The following BCAS3 variants were observed in gnomAD, a reference collection of about 807,000 sequenced individuals.
The protein encoded by BCAS3 is BCAS4/BCAS3 fusion.
Under a neutral mutation model 116.1 loss-of-function variants are expected in BCAS3, and 53 were observed. The ratio of observed to expected loss-of-function variants is 0.46; its 90% CI spans 0.37 to 0.57. BCAS3 has a LOEUF of 0.57. BCAS3 is among the 20% of genes least tolerant of loss of function. The pLI is 0.00. For synonymous variants in BCAS3, 391 were observed against 408.2 expected (o/e 0.96, Z 0.51); for missense variants, 917 against 1,165.4 (o/e 0.79, Z 3.10).
At chr17:61,291,044 C>T (rs951033950) in intron 22 of BCAS3, among the ~76,000 whole-genome samples, 6 of 151,984 alleles carry the variant, frequency 3.9e-5, no homozygotes, top group South Asian at 2.1e-4. Flanking sequence ...CCTCCCAAAG[C>T]GCTGGGATTA....
At chr17:60,727,810 C>CTT (rs756342642) in intron 5 of BCAS3, among the ~76,000 whole-genome samples, 36 of 139,734 alleles carry the variant, frequency 2.6e-4, no homozygotes, top group African/African-American at 8.4e-4. Flanking sequence ...TACTTTTTTC[C>CTT]TTTTTTTTTT....
In BCAS3 at chr17:61,249,995, CA is replaced by C. The variant is rs1312611895; in HGVS notation, c.2426-118329del. 6.6e-6 allele frequency among the ~76,000 whole-genome samples: 1 copy of C among 151,534 alleles called. No individual in the cohort carries two copies. Among genetic ancestry groups the C allele is most frequent in the East Asian group, 1.9e-4 (1 of 5,194 alleles). On this transcript the variant is annotated intron_variant, in intron 22 of 23. Transcript: ENST00000407086. This position sits in a 1 kb window ranked among gnomAD's most constrained non-coding sequence, Gnocchi z 6.2. ...TAAAGAGGATCAGAAAACAAGATAC[CA>C]AATAAGAGCAGCCATTGTAAAACTA...
intron 7 of BCAS3, among the ~76,000 whole-genome samples, chr17:60,867,318 C>A (rs1215220114): frequency 6.6e-6 from 1 of 151,926 alleles, no homozygotes; most frequent in Non-Finnish European, 1.5e-5. Context: ...GTTGGCCAGG[C>A]TGATCTGAAA....
At chr17:61,292,833 T>C (rs1332365479) in intron 22 of BCAS3, among the ~76,000 whole-genome samples, 2 of 152,166 alleles carry the variant, frequency 1.3e-5, no homozygotes, top group South Asian at 4.1e-4. Flanking sequence ...TAACGAAGTA[T>C]GTGAATTTCA....
rs552247107 is a variant in BCAS3 at position 60,962,369 on chromosome 17, G to A, written c.1221+15017G>A. On this transcript the variant is annotated intron_variant, in intron 14 of 23. Coordinates refer to ENST00000407086, the MANE Select transcript of BCAS3 (RefSeq NM_017679.5). The surrounding 1 kb of genome is among the most constrained non-coding windows in gnomAD (Gnocchi z 4.4). ...TTTATTGATTGTCCTTTTGATACAA[G>A]CCATTTTTACTAGGGTGAGATGATA... Among the ~76,000 whole-genome samples the A allele has an allele frequency of 5.3e-5, 8 of 152,196 alleles. No individual in the cohort carries two copies. Among genetic ancestry groups the A allele is most frequent in the African/African-American group, 9.6e-5 (4 of 41,538 alleles).
At chr17:60,949,224 T>C (rs1004556408) in intron 14 of BCAS3, among the ~76,000 whole-genome samples, 4 of 152,056 alleles carry the variant, frequency 2.6e-5, no homozygotes, top group Non-Finnish European at 4.4e-5. Context: ...TTTTAAAAAT[T>C]ATTTCTAAGG....
In BCAS3 at chr17:61,361,111, G is replaced by T. The variant is rs1273254702; in HGVS notation, c.2426-7216G>T. On this transcript the variant is annotated intron_variant, in intron 22 of 23. Transcript: ENST00000407086. This position sits in a 1 kb window ranked among gnomAD's most constrained non-coding sequence, Gnocchi z 6.5. The stretch of plus-strand genomic sequence containing the variant: ...TAGTGCCAATGTGAACCCCTTAAAT[G>T]GGCATCATTTATTTATTTTCTGTGT... Among the ~76,000 whole-genome samples the T allele has an allele frequency of 6.6e-6, 1 of 151,764 alleles. No homozygotes were observed. The highest frequency in any genetic ancestry group is 2.4e-5 in the African/African-American group (1 of 41,290).
chr17:61,116,335 G>C (rs951986866), intron 22 of BCAS3, among the ~76,000 whole-genome samples: 6 of 152,030 alleles, frequency 3.9e-5, no homozygotes, highest in Non-Finnish European at 7.4e-5. Flanking sequence ...TATGTATATT[G>C]CATTATGTAT....
chr17:61,189,935 G>A lies in BCAS3; in HGVS notation c.2425+105371G>A, dbSNP rs1046202378. ...GTATGCAGAGTGAGAAAAATCGTGGGTCTAAGGACATGCCCTGAAAATCAG... is the reference window on the plus strand; with the variant it reads ...GTATGCAGAGTGAGAAAAATCGTGGATCTAAGGACATGCCCTGAAAATCAG... On this transcript the variant is annotated intron_variant, in intron 22 of 23. Transcript: ENST00000407086. The surrounding 1 kb of genome is among the most constrained non-coding windows in gnomAD (Gnocchi z 4.5). Among the ~76,000 whole-genome samples, 9 of 152,146 alleles carry A rather than the reference G, an allele frequency of 5.9e-5. No homozygotes were observed. The highest frequency in any genetic ancestry group is 2.2e-4 in the African/African-American group (9 of 41,416).
At chr17:61,246,101 T>C (rs1405120090) in intron 22 of BCAS3, among the ~76,000 whole-genome samples, 1 of 152,114 alleles carries the variant, frequency 6.6e-6, no homozygotes, top group African/African-American at 2.4e-5. Context: ...TTCTCTTCTA[T>C]CCTGGGAGAG....
chr17:61,201,657 C>T (rs1247629466), intron 22 of BCAS3, among the ~76,000 whole-genome samples: 2 of 151,880 alleles, frequency 1.3e-5, no homozygotes, highest in African/African-American at 2.4e-5. Context: ...TGACCCCCTT[C>T]GTGAAGTACG....
intron 22 of BCAS3, among the ~76,000 whole-genome samples, chr17:61,152,382 C>T (rs894592333): frequency 2.6e-5 from 4 of 152,076 alleles, no homozygotes; most frequent in African/African-American, 7.2e-5. Flanking sequence ...CTGATTGGTG[C>T]ATTTTACAAT....
At chr17:60,976,370 A>G (rs187724279) in intron 14 of BCAS3, among the ~76,000 whole-genome samples, 1 of 149,850 alleles carries the variant, frequency 6.7e-6, no homozygotes, top group Admixed American at 6.6e-5. Flanking sequence ...TTGAATATCT[A>G]TCTAGGAGTG....
intron 7 of BCAS3, among the ~76,000 whole-genome samples, chr17:60,809,841 T>C (rs1192494748): frequency 6.6e-6 from 1 of 152,174 alleles, no homozygotes; most frequent in Non-Finnish European, 1.5e-5. Flanking sequence ...AATCCTCTGT[T>C]GAGTAGTTGG....
Position 61,082,677 on chromosome 17 carries a change from C to A in BCAS3, c.2328-1790C>A, listed in dbSNP as rs1167408533. 2.0e-5 allele frequency among the ~76,000 whole-genome samples: 3 copies of A among 152,206 alleles called. No individual in the cohort carries two copies. The highest frequency in any genetic ancestry group is 2.9e-5 in the Non-Finnish European group (2 of 68,038). On this transcript the variant is annotated intron_variant, in intron 21 of 23. Coordinates refer to ENST00000407086, the MANE Select transcript of BCAS3 (RefSeq NM_017679.5). The surrounding 1 kb of genome is among the most constrained non-coding windows in gnomAD (Gnocchi z 5.1). ...AGAACAAGGAAACTTCTTTTCCAGACACTTTAAATAAACTTCTCTTTTCTA... is the reference window on the plus strand; with the variant it reads ...AGAACAAGGAAACTTCTTTTCCAGAAACTTTAAATAAACTTCTCTTTTCTA...
intron 22 of BCAS3, among the ~76,000 whole-genome samples, chr17:61,329,947 C>G (rs1448115180): frequency 2.0e-5 from 3 of 152,162 alleles, no homozygotes; most frequent in Admixed American, 6.5e-5. Flanking sequence ...TTTTAGCAGA[C>G]ACTGTTAGGC....
At chr17:61,149,331 A>AT (rs1411388951) in intron 22 of BCAS3, among the ~76,000 whole-genome samples, 1 of 152,192 alleles carries the variant, frequency 6.6e-6, no homozygotes, top group Non-Finnish European at 1.5e-5. Flanking sequence ...AAATTGCGAA[A>AT]TACTTAGGCA....
At chr17:60,921,591 C>A (rs1055423303) in intron 12 of BCAS3, among the ~76,000 whole-genome samples, 1 of 132,358 alleles carries the variant, frequency 7.6e-6, no homozygotes, top group South Asian at 2.5e-4. Context: ...CCAGCCTGGG[C>A]GACAGAGCGA....
intron 14 of BCAS3, among the ~76,000 whole-genome samples, chr17:60,975,226 C>T (rs932532669): frequency 1.3e-5 from 2 of 151,888 alleles, no homozygotes; most frequent in Admixed American, 6.6e-5. Context: ...TGGTCTCGAT[C>T]TCCTGACCTC....
Sources: allele counts gnomAD v4.1 joint callset (sites outside exome capture counted in the v4.1 genomes callset), GRCh38; gene constraint gnomAD v4.1.1; non-coding constraint Gnocchi (gnomAD v3.1); transcripts MANE v1.5; gene names NCBI Gene and HGNC (gene_info 2026-07-23, HGNC 2026-07-21).